The following RP1 variants were observed in gnomAD, a reference collection of about 807,000 sequenced individuals.
The protein encoded by RP1 is oxygen-regulated protein 1.
Under a neutral mutation model 14.8 loss-of-function variants are expected in RP1, and 16 were observed. That is an observed-to-expected ratio of 1.08 (90% CI 0.73 to 1.65). RP1 has a LOEUF of 1.65. RP1 is among the 40% of genes most tolerant of loss of function. The pLI is 0.00. For missense variants in RP1, 2,631 were observed against 2,535.0 expected (o/e 1.04, Z -0.81); for synonymous variants, 876 against 883.6 (o/e 0.99, Z 0.15).
chr8:54,662,651 C>T (rs896354654), intron 6 of RP1, among the ~76,000 whole-genome samples: 1 of 152,140 alleles, frequency 6.6e-6, no homozygotes, highest in South Asian at 2.1e-4. Flanking sequence ...AACTAGAGGG[C>T]TTCTACCGAG....
At chr8:54,745,010 C>T (rs1463127202) in intron 19 of RP1, among the ~76,000 whole-genome samples, 1 of 152,122 alleles carries the variant, frequency 6.6e-6, no homozygotes, top group Non-Finnish European at 1.5e-5. Flanking sequence ...TACTCATATT[C>T]AGAAAACAAT....
At chr8:54,587,064 A>C (rs1163375924) in intron 1 of RP1, among the ~76,000 whole-genome samples, 1 of 152,160 alleles carries the variant, frequency 6.6e-6, no homozygotes, top group Non-Finnish European at 1.5e-5. Flanking sequence ...GAAATGCAGA[A>C]ATCACCCATC....
chr8:54,586,795 A>T (rs1804936800), intron 1 of RP1, among the ~76,000 whole-genome samples: 1 of 152,218 alleles, frequency 6.6e-6, no homozygotes, highest in South Asian at 2.1e-4. Flanking sequence ...CCTCCAAGCC[A>T]GGTGCGGGAT....
chr8:54,610,737 T>C (rs1805570673), intron 1 of RP1, among the ~76,000 whole-genome samples: 1 of 152,328 alleles, frequency 6.6e-6, no homozygotes, highest in African/African-American at 2.4e-5. Context: ...AATCCATAAC[T>C]AAGACATCTG....
At chr8:54,755,576 G>C (rs1353035204) in intron 20 of RP1, 9 of 1,529,324 alleles carry the variant, frequency 5.9e-6, no homozygotes, top group Non-Finnish European at 7.9e-6. Context: ...GGATTTCAAG[G>C]TAATGTATTT....
intron 25 of RP1, among the ~76,000 whole-genome samples, chr8:54,841,549 G>A (rs1811790089): frequency 6.6e-6 from 1 of 152,178 alleles, no homozygotes; most frequent in African/African-American, 2.4e-5. Context: ...TAGTCTATAA[G>A]TCATCATTCT....
At chr8:54,687,418 A>G (rs1361611033) in intron 12 of RP1, among the ~76,000 whole-genome samples, 2 of 152,130 alleles carry the variant, frequency 1.3e-5, no homozygotes, top group Non-Finnish European at 2.9e-5. Flanking sequence ...CCAACAACCC[A>G]TCATCTACAT....
intron 24 of RP1, among the ~76,000 whole-genome samples, chr8:54,784,917 T>G (rs1031286373): frequency 1.3e-5 from 2 of 152,056 alleles, no homozygotes; most frequent in African/African-American, 4.8e-5. Context: ...TTTTTTATTA[T>G]TTTTTAATTT....
intron 27 of RP1, among the ~76,000 whole-genome samples, chr8:54,864,984 G>A (rs139768865): frequency 5.6e-4 from 85 of 152,210 alleles, no homozygotes; most frequent in Non-Finnish European, 9.7e-4. Context: ...ACCAATATGA[G>A]ATAGTTCTAC....
rs1809861488 is a variant in RP1, at chr8:54,769,932, A to T, written c.*119A>T. 3 of 614,522 alleles carry T rather than the reference A, an allele frequency of 4.9e-6. No individual in the cohort carries two copies. The South Asian group carries it at 7.1e-5, about 14-fold the overall frequency. 38.1% of individuals were successfully genotyped at this position (614,522 alleles called of 1,614,324 possible). A position where few individuals can be genotyped will look rare whatever the true frequency, so the allele number is the denominator to read the frequency against. ...ATTTATCTTTTATTATTGGATTTAT[A>T]GTATTCCTCACAGTGAAATAAAAAC... is the stretch of plus-strand genomic sequence containing the variant. On this transcript the variant is annotated 3_prime_UTR_variant, in exon 23 of 23. Coordinates refer to the RP1 transcript ENST00000636932.
intron 19 of RP1, among the ~76,000 whole-genome samples, chr8:54,749,434 C>A (rs541704284): frequency 6.6e-6 from 1 of 152,240 alleles, no homozygotes; most frequent in South Asian, 2.1e-4. Flanking sequence ...GAGGCTATGG[C>A]AGAGGGCAGT....
intron 25 of RP1, among the ~76,000 whole-genome samples, chr8:54,847,979 G>A (rs750517664): frequency 1.1e-4 from 16 of 152,168 alleles, no homozygotes; most frequent in Non-Finnish European, 1.5e-4. Flanking sequence ...CTCTAGTCCT[G>A]TAAAAAATAT....
At chr8:54,769,692 T>G in intron 22 of RP1, 5 of 1,205,710 alleles carry the variant, frequency 4.1e-6, no homozygotes, top group Non-Finnish European at 5.8e-6. Flanking sequence ...ATTAATTTTC[T>G]CTCTATTTTC....
At chr8:54,763,672 A>G (rs1332152802) in intron 22 of RP1, among the ~76,000 whole-genome samples, 1 of 151,982 alleles carries the variant, frequency 6.6e-6, no homozygotes, top group Non-Finnish European at 1.5e-5. Flanking sequence ...AAGAACAAAA[A>G]CTCCATCTCA....
intron 25 of RP1, among the ~76,000 whole-genome samples, chr8:54,842,681 A>G (rs890757858): frequency 1.4e-4 from 21 of 152,248 alleles, no homozygotes; most frequent in African/African-American, 5.1e-4. Flanking sequence ...AATGTCAATC[A>G]GATTATGTCA....
chr8:54,562,122 A>C (rs1306113094), intron 1 of RP1, among the ~76,000 whole-genome samples: 1 of 152,234 alleles, frequency 6.6e-6, no homozygotes, highest in Non-Finnish European at 1.5e-5. Context: ...TTTAAAGTGA[A>C]TCAACCTTTA....
chr8:54,681,706 C>A (rs925116133), intron 12 of RP1, among the ~76,000 whole-genome samples: 1 of 151,996 alleles, frequency 6.6e-6, no homozygotes, highest in Non-Finnish European at 1.5e-5. Context: ...CCCAACAGGT[C>A]CCAGTGTGTG....
intron 26 of RP1, among the ~76,000 whole-genome samples, chr8:54,855,267 A>C (rs1439848691): frequency 6.6e-6 from 1 of 152,184 alleles, no homozygotes; most frequent in African/African-American, 2.4e-5. Context: ...GTAGTATTCC[A>C]TTGTATTGTT....
intron 1 of RP1, among the ~76,000 whole-genome samples, chr8:54,570,887 A>G (rs1804504404): frequency 6.6e-6 from 1 of 152,228 alleles, no homozygotes. Context: ...GAAGTGACTC[A>G]TGCCGTGAGT....
Sources: gnomAD v4.1 joint callset for allele counts (sites outside exome capture counted in the v4.1 genomes callset) on GRCh38, gnomAD v4.1.1 for gene constraint, MANE v1.5 for transcripts, NCBI Gene and HGNC (gene_info 2026-07-23, HGNC 2026-07-21) for gene names.